DMAC2L: variants seen among roughly 807,000 people sequenced by gnomAD.
The protein encoded by DMAC2L is ATP synthase subunit s, mitochondrial.
Under a neutral mutation model 22.5 loss-of-function variants are expected in DMAC2L, and 21 were observed. That is an observed-to-expected ratio of 0.93 (90% CI 0.66 to 1.34). The LOEUF (loss-of-function observed/expected upper bound fraction) is 1.34, where lower values mean the gene tolerates loss of function less well. Among genes scored for constraint, DMAC2L ranks in the 40% most tolerant of loss-of-function variants. The probability of loss-of-function intolerance (pLI) is 0.00; values close to 1 mark genes in which losing one functional copy is unlikely to be tolerated. For synonymous variants in DMAC2L, 86 were observed against 89.5 expected (o/e 0.96, Z 0.22); for missense variants, 239 against 246.5 (o/e 0.97, Z 0.20).
chr14:50,314,488 T>C (rs1566552022), intron 1 of DMAC2L, 103 bp from the exon 2 acceptor site: 3 of 455,008 alleles, frequency 6.6e-6, no homozygotes, highest in East Asian at 6.9e-5. Context: ...TGTTCACTCA[T>C]TGAAGGACAT....
intron 1 of DMAC2L, chr14:50,312,610 TCGCCCTCGGCCC>T (rs1325348963): frequency 1.1e-5 from 3 of 264,690 alleles, no homozygotes; most frequent in Non-Finnish European, 2.1e-5. Flanking sequence ...TTCTTCCGGC[TCGCCCTCGGCCC>T]CGCCCCCGCC....
Position 50,323,997 on chromosome 14 carries a change from G to A in DMAC2L, c.369G>A (p.Glu123=). 6.2e-7 allele frequency: 1 copy of A among 1,613,804 alleles called. No homozygotes were observed. Among genetic ancestry groups the A allele is most frequent in the Non-Finnish European group, 8.5e-7 (1 of 1,179,872 alleles). Reference sequence around the variant, plus strand: ...GGCTGTGCAAGTGTCATTATATCGAGGATGACTGTTTGCTGAGACTTAGTC... The same window carrying A: ...GGCTGTGCAAGTGTCATTATATCGAAGATGACTGTTTGCTGAGACTTAGTC... ...KIRLCKCHYI[E]DDCLLRLSQL... Residue 123 remains glutamate, a synonymous_variant, in exon 5 of 6, where the codon GAG becomes GAA. Transcript: ENST00000557421.
chr14:50,317,122 A>T (rs1290349114), intron 2 of DMAC2L, among the ~76,000 whole-genome samples: 1 of 151,774 alleles, frequency 6.6e-6, no homozygotes, highest in East Asian at 1.9e-4. Context: ...AGTGTTTTGT[A>T]GTTTTCCTTT....
intron 1 of DMAC2L, 51 bp from the exon 2 acceptor site, chr14:50,314,540 T>C (rs1289032680): frequency 2.2e-6 from 1 of 455,954 alleles, no homozygotes; most frequent in Non-Finnish European, 4.4e-6. Flanking sequence ...ATCAAGCAGC[T>C]GTGAACATGA....
upstream of DMAC2L, chr14:50,311,936 G>A (rs1308093842): frequency 1.3e-6 from 2 of 1,525,512 alleles, no homozygotes; most frequent in Middle Eastern, 2.3e-4. Flanking sequence ...ATACGAACAG[G>A]GGCACAGGTC....
In DMAC2L at chr14:50,322,690, G is replaced by T; in HGVS notation, c.287G>T (p.Cys96Phe). The change falls in exon 4 of 6, where the codon TGT becomes TTT. Residue 96 changes from cysteine (C) to phenylalanine (F), a missense_variant. By Grantham distance (205) the Cys-to-Phe change is radical (BLOSUM62 -2). Coordinates refer to ENST00000557421, the MANE Select transcript of DMAC2L (RefSeq NM_001382507.1). ...CAGGCGATCGACGCCACCGACTCTT[G>T]TATCATGAGCATTGGATTTGATCAC... Reference protein sequence around the residue: ...KIQAIDATDSCIMSIGFDHME... With the variant: ...KIQAIDATDSFIMSIGFDHME... 6.2e-7 allele frequency: 1 copy of T among 1,614,138 alleles called. No homozygotes were observed. Among genetic ancestry groups the T allele is most frequent in the Non-Finnish European group, 8.5e-7 (1 of 1,180,034 alleles).
At chr14:50,312,216 C>T (rs1027312804), upstream of DMAC2L, 2 of 1,586,486 alleles carry the variant, frequency 1.3e-6, no homozygotes, top group African/African-American at 1.3e-5. Flanking sequence ...GGCCGAGGAC[C>T]CGCGCTCTTT....
At chr14:50,319,416 T>C (rs2032084148) in intron 2 of DMAC2L, 1 of 1,423,022 alleles carries the variant, frequency 7.0e-7, no homozygotes, top group Non-Finnish European at 9.4e-7. Flanking sequence ...GTCCTCTTCT[T>C]TCTCTTGAAT....
At chr14:50,321,631 T>C in intron 3 of DMAC2L, 37 bp downstream of exon 3, 9 of 1,468,884 alleles carry the variant, frequency 6.1e-6, no homozygotes, top group Non-Finnish European at 8.6e-6. Context: ...AATGTGGAGA[T>C]GGTTACAGCT....
At chr14:50,322,340 G>GT (rs1315132920) in intron 3 of DMAC2L, among the ~76,000 whole-genome samples, 171 bp from the exon 4 acceptor site, 1 of 116,656 alleles carries the variant, frequency 8.6e-6, no homozygotes, top group Non-Finnish European at 1.9e-5. Flanking sequence ...TAGACTGCAG[G>GT]TTTTTTTGTT....
At chr14:50,322,740 C>T in intron 4 of DMAC2L, 21 bp downstream of exon 4, 1 of 1,613,912 alleles carries the variant, frequency 6.2e-7, no homozygotes, top group Non-Finnish European at 8.5e-7. Flanking sequence ...TATCGTTTTG[C>T]TAATAGAAAA....
At chr14:50,312,774 C>A (rs2031364239) in intron 1 of DMAC2L, 1 of 518,294 alleles carries the variant, frequency 1.9e-6, no homozygotes, top group Admixed American at 3.6e-5. Flanking sequence ...CTGTCCGGCC[C>A]TAATCCTCGC....
At chr14:50,319,153 T>C in intron 2 of DMAC2L, 1 of 1,522,858 alleles carries the variant, frequency 6.6e-7, no homozygotes, top group African/African-American at 1.4e-5. Context: ...TATTTGTAAA[T>C]AAGATTGACA....
intron 5 of DMAC2L, 38 bp from the exon 6 acceptor site, chr14:50,325,571 C>G: frequency 6.4e-7 from 1 of 1,556,384 alleles, no homozygotes; most frequent in Non-Finnish European, 8.8e-7. Context: ...TTTTAATGCT[C>G]TTGGCCAAAT....
In DMAC2L at chr14:50,327,875, AAC is replaced by A. The variant is rs757380688; in HGVS notation, c.*2156_*2157del. On this transcript the variant is annotated 3_prime_UTR_variant, in exon 6 of 6. Transcript: ENST00000557421. ...GTTGTGTTTAACAGCTTATACAAAT[AAC>A]ACAGTATAAATGGTAATTGCCACTG... 1 of 152,216 alleles carries A rather than the reference AAC, an allele frequency of 6.6e-6. No individual in the cohort carries two copies. Among genetic ancestry groups the A allele is most frequent in the Non-Finnish European group, 1.5e-5 (1 of 68,044 alleles). The allele number at this position is 152,216 out of a possible 1,614,324, so 9.4% of individuals were successfully genotyped here. A position where few individuals can be genotyped will look rare whatever the true frequency, so the allele number is the denominator to read the frequency against.
intron 2 of DMAC2L, chr14:50,319,364 C>A: frequency 8.5e-6 from 13 of 1,533,910 alleles, no homozygotes; most frequent in Non-Finnish European, 1.1e-5. Context: ...TCCTCAATCA[C>A]TTCCTCAGCT....
chr14:50,318,960 G>A, intron 2 of DMAC2L: 1 of 927,056 alleles, frequency 1.1e-6, no homozygotes, highest in Non-Finnish European at 1.3e-6. Context: ...TGTTTGTTTT[G>A]TCTTACCATT....
upstream of DMAC2L, among the ~76,000 whole-genome samples, chr14:50,311,810 C>CA (rs1481348130): frequency 6.6e-6 from 1 of 152,244 alleles, no homozygotes; most frequent in African/African-American, 2.4e-5. Flanking sequence ...CTACTCTATA[C>CA]ACTGCCTTTC....
At chr14:50,318,198 C>T (rs1374736736) in intron 2 of DMAC2L, among the ~76,000 whole-genome samples, 1 of 152,124 alleles carries the variant, frequency 6.6e-6, no homozygotes, top group Non-Finnish European at 1.5e-5. Context: ...GATTCACTAA[C>T]TTCCCACTAG....
Sources: allele counts gnomAD v4.1 joint callset (sites outside exome capture counted in the v4.1 genomes callset), GRCh38; gene constraint gnomAD v4.1.1; transcripts MANE v1.5; gene names NCBI Gene and HGNC (gene_info 2026-07-23, HGNC 2026-07-21).